Variants in SSH2 observed in about 807,000 individuals in gnomAD.
The protein encoded by SSH2 is slingshot protein phosphatase 2, also known as protein phosphatase Slingshot homolog 2.
In SSH2, 37 loss-of-function variants were observed where a neutral mutation model predicts 135.2. The ratio of observed to expected loss-of-function variants is 0.27; its 90% confidence interval spans 0.21 to 0.36. The LOEUF (loss-of-function observed/expected upper bound fraction) is 0.36, where lower values mean the gene tolerates loss of function less well. Ranked by LOEUF, SSH2 falls within the 10% of genes least tolerant of loss-of-function variation. SSH2 has a pLI of 1.00. For missense variants in SSH2, 1,408 were observed against 1,765.3 expected, an observed-to-expected ratio of 0.80 and a Z score of 3.63; for synonymous variants, 628 against 646.2, an observed-to-expected ratio of 0.97 and a Z score of 0.43.
chr17:29,673,313 T>C (rs2037568336), intron 8 of SSH2, among the ~76,000 whole-genome samples: 1 of 152,104 alleles, frequency 6.6e-6, no homozygotes, highest in Non-Finnish European at 1.5e-5. Flanking sequence ...CTCACGCCTG[T>C]AATCCTAGCA....
chr17:29,888,283 A>G (rs1439866476), intron 1 of SSH2, among the ~76,000 whole-genome samples: 1 of 152,186 alleles, frequency 6.6e-6, no homozygotes. Flanking sequence ...CAGAGACTGC[A>G]CTTGACTCTA....
At chr17:29,835,961 A>G (rs1012389552) in intron 2 of SSH2, among the ~76,000 whole-genome samples, 8 of 149,846 alleles carry the variant, frequency 5.3e-5, no homozygotes, top group African/African-American at 1.9e-4. Context: ...TTCGTCTCAA[A>G]AAAAAAAAAA....
At chr17:29,899,932 A>G (rs1465948248) in intron 1 of SSH2, among the ~76,000 whole-genome samples, 2 of 152,164 alleles carry the variant, frequency 1.3e-5, no homozygotes, top group Non-Finnish European at 2.9e-5. Flanking sequence ...ACCAAAACAG[A>G]GATATAGACC....
chr17:29,650,871 C>T, intron 12 of SSH2, 71 bp from the exon 13 acceptor site: 1 of 1,322,878 alleles, frequency 7.6e-7, no homozygotes, highest in South Asian at 1.8e-5. Flanking sequence ...ACTGTTTTTT[C>T]TTACTTAAAA....
intron 1 of SSH2, among the ~76,000 whole-genome samples, chr17:29,885,348 T>TAAAAA (rs72403205): frequency 2.4e-5 from 3 of 127,114 alleles, no homozygotes; most frequent in Non-Finnish European, 1.6e-5. Context: ...TATTGTATCA[T>TAAAAA]AAAAAAAAAA....
intron 3 of SSH2, among the ~76,000 whole-genome samples, chr17:29,706,493 G>A (rs766425469): frequency 6.6e-6 from 1 of 152,064 alleles, no homozygotes; most frequent in African/African-American, 2.4e-5. Context: ...TGTTACAACC[G>A]TGGTGTTCAC....
intron 3 of SSH2, among the ~76,000 whole-genome samples, chr17:29,732,988 G>A (rs990113858): frequency 4.6e-5 from 7 of 152,142 alleles, no homozygotes; most frequent in Non-Finnish European, 7.4e-5. Context: ...CAGGTCAACA[G>A]GGTAAAATGT....
intron 1 of SSH2, among the ~76,000 whole-genome samples, chr17:29,863,011 G>T (rs1446132052): frequency 1.3e-5 from 2 of 152,002 alleles, no homozygotes; most frequent in East Asian, 1.9e-4. Context: ...GTGGCCCATG[G>T]TCTGTTTTTA....
chr17:29,807,472 G>A (rs1389652657), intron 2 of SSH2, among the ~76,000 whole-genome samples: 2 of 152,154 alleles, frequency 1.3e-5, no homozygotes, highest in Non-Finnish European at 2.9e-5. Context: ...GGAGTCTATA[G>A]GGGACACAGA....
Position 29,631,408 on chromosome 17 carries a change from A to G in SSH2, c.3786T>C (p.Ala1262=). ...SHSPGVVKER[A]KEIESRVVFQ... is the part of the protein sequence containing the mutation. ...AAACCACTCGAGACTCGATTTCTTT[A>G]GCACGCTCCTTCACCACACCGGGGC... Residue 1262 remains alanine, a synonymous_variant, in exon 16 of 16, where the codon GCT becomes GCC. Transcript: ENST00000540801. The G allele has an allele frequency of 6.2e-7, 1 of 1,614,088 alleles. No individual in the cohort carries two copies. Among genetic ancestry groups the G allele is most frequent in the Non-Finnish European group, 8.5e-7 (1 of 1,180,004 alleles).
chr17:29,708,852 T>C (rs889717989), intron 3 of SSH2, among the ~76,000 whole-genome samples: 3 of 151,218 alleles, frequency 2.0e-5, no homozygotes, highest in African/African-American at 7.3e-5. Flanking sequence ...AGCTGCTTGA[T>C]ACAAAAATGA....
chr17:29,902,493 A>G (rs1485028456), intron 1 of SSH2, among the ~76,000 whole-genome samples: 1 of 152,076 alleles, frequency 6.6e-6, no homozygotes, highest in Non-Finnish European at 1.5e-5. Context: ...ATAGCAAATT[A>G]TAAGTTCACC....
At chr17:29,898,093 A>G (rs1468298744) in intron 1 of SSH2, among the ~76,000 whole-genome samples, 1 of 152,226 alleles carries the variant, frequency 6.6e-6, no homozygotes, top group African/African-American at 2.4e-5. Context: ...GAACAAAGAC[A>G]CAACATACCA....
At chr17:29,860,829 T>C (rs2065752333) in intron 1 of SSH2, among the ~76,000 whole-genome samples, 1 of 151,834 alleles carries the variant, frequency 6.6e-6, no homozygotes, top group African/African-American at 2.4e-5. Flanking sequence ...CACTGCAACA[T>C]ACACCTCCCA....
intron 2 of SSH2, among the ~76,000 whole-genome samples, chr17:29,815,665 A>G (rs1029341799): frequency 2.6e-5 from 4 of 152,218 alleles, no homozygotes; most frequent in Non-Finnish European, 5.9e-5. Flanking sequence ...AAGATCATCA[A>G]CAAGTGAAAG....
intron 2 of SSH2, among the ~76,000 whole-genome samples, chr17:29,813,655 T>TA (rs2042490618): frequency 2.0e-5 from 3 of 149,172 alleles, no homozygotes; most frequent in African/African-American, 7.4e-5. Context: ...CCGTCTCTAC[T>TA]AAAAATACAA....
rs1429739888 is a variant in SSH2, at chr17:29,913,347, A to AT, written c.63+16590_63+16591insA. On this transcript the variant is annotated intron_variant, in intron 1 of 15. Coordinates refer to ENST00000540801, the MANE Select transcript of SSH2 (RefSeq NM_001282129.2). ...AAAAAAAAAAAAAAAAAAAAAAAAA[A>AT]ATATATATATATATATATATATATA... Among the ~76,000 whole-genome samples the AT allele has an allele frequency of 8.0e-4, 23 of 28,784 alleles. 1 individual carries two copies. The highest frequency in any genetic ancestry group is 1.3e-3 in the Non-Finnish European group (22 of 16,994). The allele number at this position is 28,784 out of a possible 152,430, so 18.9% of individuals were successfully genotyped here.
At chr17:29,750,816 C>T (rs1345110505) in intron 3 of SSH2, among the ~76,000 whole-genome samples, 2 of 149,588 alleles carry the variant, frequency 1.3e-5, no homozygotes, top group Non-Finnish European at 3.0e-5. Flanking sequence ...GAGATTGAGA[C>T]CATCCTGGTC....
intron 5 of SSH2, among the ~76,000 whole-genome samples, chr17:29,692,058 T>G (rs1372729807): frequency 6.6e-6 from 1 of 151,172 alleles, no homozygotes; most frequent in Non-Finnish European, 1.5e-5. Context: ...GAGAATCACT[T>G]GAACTCGGGA....
Sources: allele counts gnomAD v4.1 joint callset (sites outside exome capture counted in the v4.1 genomes callset), GRCh38; gene constraint gnomAD v4.1.1; transcripts MANE v1.5; gene names NCBI Gene and HGNC (gene_info 2026-07-23, HGNC 2026-07-21).